Variants in NAA11 observed in about 807,000 individuals in gnomAD.
NAA11 encodes the protein N-alpha-acetyltransferase 11, NatA catalytic subunit.
NAA11 carries 15 observed loss-of-function variants against 16.1 expected under a neutral mutation model. That is an observed-to-expected ratio of 0.93 (90% confidence interval 0.62 to 1.44). NAA11 has a LOEUF of 1.44. Among genes scored for constraint, NAA11 ranks in the 40% most tolerant of loss-of-function variants. The pLI is 0.00. For synonymous variants in NAA11, 122 were observed against 112.4 expected (o/e 1.09, Z -0.54); for missense variants, 298 against 291.3 (o/e 1.02, Z -0.17).
intron 2 of NAA11, among the ~76,000 whole-genome samples, chr4:79,271,820 G>A (rs1017277996): frequency 5.9e-5 from 9 of 152,014 alleles, no homozygotes; most frequent in African/African-American, 7.2e-5. Context: ...AGTCTTCTAA[G>A]AACCAGGTAG....
At chr4:79,325,128 TGCAGGGATTTAG>T in intron 1 of NAA11, 36 bp downstream of exon 1, 1 of 1,468,768 alleles carries the variant, frequency 6.8e-7, no homozygotes, top group Non-Finnish European at 9.1e-7. Context: ...CAAGGCAGGA[TGCAGGGATTTAG>T]GAGAAGGGGG....
intron 2 of NAA11, among the ~76,000 whole-genome samples, chr4:79,233,512 C>T (rs1721509304): frequency 6.6e-6 from 1 of 151,880 alleles, no homozygotes; most frequent in Non-Finnish European, 1.5e-5. Flanking sequence ...CTTAAAGGGT[C>T]AGAGAGTAAA....
chr4:79,285,256 A>G (rs1233192015), intron 2 of NAA11, among the ~76,000 whole-genome samples: 1 of 152,140 alleles, frequency 6.6e-6, no homozygotes, highest in African/African-American at 2.4e-5. Context: ...TTATTTTTCA[A>G]AAGCACTGAT....
At chr4:79,237,670 G>A (rs1388879144) in intron 2 of NAA11, among the ~76,000 whole-genome samples, 3 of 152,094 alleles carry the variant, frequency 2.0e-5, no homozygotes. Context: ...TAGTATTACT[G>A]AGGGCAATTT....
the NAA11 span, among the ~76,000 whole-genome samples, chr4:79,166,686 G>T: frequency 7.6e-4 from 111 of 146,250 alleles, no homozygotes; most frequent in Admixed American, 1.3e-3. Context: ...TGCCTAACAT[G>T]GTGAAACCCC....
At chr4:79,165,321 G>C in the NAA11 span, among the ~76,000 whole-genome samples, 1 of 152,194 alleles carries the variant, frequency 6.6e-6, no homozygotes, top group Non-Finnish European at 1.5e-5. Flanking sequence ...ATGGGCCCCA[G>C]CTGTTCACCA....
intron 2 of NAA11, among the ~76,000 whole-genome samples, chr4:79,276,120 C>T (rs1722640690): frequency 6.6e-6 from 1 of 152,086 alleles, no homozygotes; most frequent in Non-Finnish European, 1.5e-5. Context: ...GAAACTGAGG[C>T]TAGAGTACTG....
At chr4:79,186,098 A>G in the NAA11 span, among the ~76,000 whole-genome samples, 10 of 152,156 alleles carry the variant, frequency 6.6e-5, no homozygotes, top group African/African-American at 2.2e-4. Context: ...AATATGGTCT[A>G]TGTGGAGATA....
At chr4:79,272,068 T>C (rs181463978) in intron 2 of NAA11, among the ~76,000 whole-genome samples, 1 of 151,946 alleles carries the variant, frequency 6.6e-6, no homozygotes, top group Admixed American at 6.6e-5. Context: ...CACACATACA[T>C]ATACAACACA....
chr4:79,269,249 T>C (rs1391153915), intron 2 of NAA11, among the ~76,000 whole-genome samples: 7 of 149,250 alleles, frequency 4.7e-5, no homozygotes, highest in Non-Finnish European at 7.4e-5. Flanking sequence ...ATGGTATTTC[T>C]AGTTCTAGAT....
the NAA11 span, among the ~76,000 whole-genome samples, chr4:79,194,809 A>G: frequency 2.0e-5 from 3 of 152,044 alleles, no homozygotes; most frequent in East Asian, 1.9e-4. Context: ...ACTTATTACA[A>G]CCCTTTGAAG....
At position 79,264,231 on chromosome 4, in the gene NAA11, A is replaced by G. The variant is rs185485639; in HGVS notation, c.*122+29774T>C. Among the ~76,000 whole-genome samples, 556 of 152,366 alleles carry G rather than the reference A, an allele frequency of 3.6e-3. 2 individuals are homozygous for G. The highest frequency in any genetic ancestry group is 0.013 in the African/African-American group (536 of 41,588). On this transcript the variant is annotated intron_variant and NMD_transcript_variant, in intron 2 of 2. Coordinates refer to the NAA11 transcript ENST00000511542. ...GGAGAATAAATGTATAGAAACTTTTATAACAATTTGACAGAGTTGATTTTA... is the reference window on the plus strand; with the variant it reads ...GGAGAATAAATGTATAGAAACTTTTGTAACAATTTGACAGAGTTGATTTTA...
At chr4:79,195,775 G>A in the NAA11 span, 4 of 152,008 alleles carry the variant, frequency 2.6e-5, no homozygotes, top group Admixed American at 1.3e-4. Context: ...TTCTCGTGAT[G>A]GTGAGTGAGT....
intron 2 of NAA11, among the ~76,000 whole-genome samples, chr4:79,283,577 A>T (rs1212114675): frequency 6.6e-6 from 1 of 151,832 alleles, no homozygotes; most frequent in Non-Finnish European, 1.5e-5. Flanking sequence ...CAGAATTTCA[A>T]GTCTGGGTAA....
intron 1 of NAA11, among the ~76,000 whole-genome samples, chr4:79,296,275 G>T (rs1233597884): frequency 6.6e-6 from 1 of 152,180 alleles, no homozygotes; most frequent in Non-Finnish European, 1.5e-5. Flanking sequence ...AAGGCACAAA[G>T]AAGGTAAGCA....
At chr4:79,237,952 T>C (rs1366424874) in intron 2 of NAA11, among the ~76,000 whole-genome samples, 3 of 152,224 alleles carry the variant, frequency 2.0e-5, no homozygotes, top group Non-Finnish European at 2.9e-5. Flanking sequence ...ACATAGGTCT[T>C]GCATTAAACA....
chr4:79,290,819 A>G lies in NAA11; in HGVS notation c.*122+3186T>C, dbSNP rs114063852. On this transcript the variant is annotated intron_variant and NMD_transcript_variant, in intron 2 of 2. Coordinates refer to the NAA11 transcript ENST00000511542. ...TTTTATACTGAAATTAAGATTTAATAAAGATGGAGTAAGAACAAAAATTAT... is the reference window on the plus strand; with the variant it reads ...TTTTATACTGAAATTAAGATTTAATGAAGATGGAGTAAGAACAAAAATTAT... Among the ~76,000 whole-genome samples the G allele has an allele frequency of 4.6e-3, 693 of 152,306 alleles. 3 individuals are homozygous for G. The highest frequency in any genetic ancestry group is 7.2e-3 in the Non-Finnish European group (489 of 68,014).
At chr4:79,178,474 A>G in the NAA11 span, among the ~76,000 whole-genome samples, 1 of 152,214 alleles carries the variant, frequency 6.6e-6, no homozygotes, top group Non-Finnish European at 1.5e-5. Context: ...CCTATGTCAA[A>G]TACTTTGGAG....
chr4:79,271,376 AAG>A (rs1341802368), intron 2 of NAA11, among the ~76,000 whole-genome samples: 2 of 150,906 alleles, frequency 1.3e-5, no homozygotes, highest in African/African-American at 4.9e-5. Context: ...AAGGAAATAA[AAG>A]AGGATACAAA....
Sources: allele counts gnomAD v4.1 joint callset (sites outside exome capture counted in the v4.1 genomes callset), GRCh38; gene constraint gnomAD v4.1.1; transcripts MANE v1.5; gene names NCBI Gene and HGNC (gene_info 2026-07-23, HGNC 2026-07-21).